The following STPG2 variants were observed in gnomAD, a reference collection of about 807,000 sequenced individuals.
STPG2 encodes sperm-tail PG-rich repeat-containing protein 2.
STPG2 carries 56 observed loss-of-function variants against 54.2 expected under a neutral mutation model. That is an observed-to-expected ratio of 1.03 (90% CI 0.83 to 1.29). The LOEUF is 1.29. STPG2 is among the 50% of genes most tolerant of loss of function. The pLI is 0.00. For missense variants in STPG2, 596 were observed against 544.9 expected (o/e 1.09, Z -0.93); for synonymous variants, 200 against 181.8 (o/e 1.10, Z -0.81).
chr4:97,955,213 ATT>A (rs140086064), intron 7 of STPG2, among the ~76,000 whole-genome samples: 1,548 of 137,338 alleles, frequency 0.011, 6 homozygotes, highest in South Asian at 0.025. Context: ...ATACAGAAGA[ATT>A]TTTTTTTTTT....
intron 8 of STPG2, among the ~76,000 whole-genome samples, chr4:97,907,784 A>C (rs1247540468): frequency 6.6e-6 from 1 of 152,228 alleles, no homozygotes; most frequent in African/African-American, 2.4e-5. Flanking sequence ...TCCCTATTTA[A>C]TAAATAGTGG....
chr4:97,534,154 T>C (rs1265666633), intron 4 of STPG2, among the ~76,000 whole-genome samples: 1 of 152,156 alleles, frequency 6.6e-6, no homozygotes, highest in Non-Finnish European at 1.5e-5. Context: ...GTTTCTGCAA[T>C]TAAATATATT....
intron 5 of STPG2, among the ~76,000 whole-genome samples, chr4:98,066,247 T>C: frequency 6.6e-6 from 1 of 152,174 alleles, no homozygotes; most frequent in East Asian, 1.9e-4. Context: ...ATAGTATGTA[T>C]TAATGCATAA....
rs116701421 is a variant in STPG2 at position 97,496,525 on chromosome 4, C to T, written c.462+216174G>A. ...ATGAAAAGCTTTAACCTGAGAATTA[C>T]TGCACTGCCATGGTTACCCAGCAAA... is the stretch of plus-strand genomic sequence containing the variant. On this transcript the variant is annotated intron_variant, in intron 4 of 4. Coordinates refer to the STPG2 transcript ENST00000522676. Among the ~76,000 whole-genome samples, 716 of 151,878 alleles carry T rather than the reference C, an allele frequency of 4.7e-3. 8 individuals carry two copies. The highest frequency in any genetic ancestry group is 0.016 in the African/African-American group (669 of 41,506).
intron 10 of STPG2, among the ~76,000 whole-genome samples, chr4:97,566,749 G>A (rs1732459235): frequency 6.6e-6 from 1 of 151,722 alleles, no homozygotes; most frequent in South Asian, 2.1e-4. Context: ...GGATGAAATT[G>A]GAAATCATCA....
rs191488172 is a variant in STPG2 at position 97,941,240 on chromosome 4, G to A, written c.1044+2657C>T. On this transcript the variant is annotated intron_variant, in intron 8 of 10. Transcript: ENST00000295268. ...GACTTTACTCTGTGGAAGCTTCAAG[G>A]ATATTTGCTTTAGTTAGGATCTTCT... is the stretch of plus-strand genomic sequence containing the variant. 2.3e-3 allele frequency among the ~76,000 whole-genome samples: 344 copies of A among 151,914 alleles called. 1 individual carries two copies. Among genetic ancestry groups the A allele is most frequent in the Non-Finnish European group, 3.4e-3 (228 of 67,912 alleles).
At chr4:97,936,618 A>C (rs1348003477) in intron 8 of STPG2, among the ~76,000 whole-genome samples, 1 of 152,028 alleles carries the variant, frequency 6.6e-6, no homozygotes, top group African/African-American at 2.4e-5. Flanking sequence ...AAATGATTTT[A>C]TTTCTCCTTC....
chr4:97,552,833 T>C (rs1731995169), intron 4 of STPG2, among the ~76,000 whole-genome samples: 1 of 152,150 alleles, frequency 6.6e-6, no homozygotes, highest in Admixed American at 6.5e-5. Flanking sequence ...TCCGAGCAGT[T>C]ATTTTCCACG....
At chr4:97,759,509 T>A (rs1240433402) in intron 9 of STPG2, among the ~76,000 whole-genome samples, 1 of 151,974 alleles carries the variant, frequency 6.6e-6, no homozygotes, top group Non-Finnish European at 1.5e-5. Flanking sequence ...AAGAGGAAAT[T>A]AAAACAAGAG....
At chr4:97,523,202 A>G (rs949096702) in intron 4 of STPG2, among the ~76,000 whole-genome samples, 2 of 151,918 alleles carry the variant, frequency 1.3e-5, no homozygotes, top group African/African-American at 2.4e-5. Flanking sequence ...GCACTACACT[A>G]TAAGAGTGGA....
intron 5 of STPG2, among the ~76,000 whole-genome samples, chr4:98,028,171 T>C (rs1736486283): frequency 6.6e-6 from 1 of 152,172 alleles, no homozygotes; most frequent in Admixed American, 6.6e-5. Flanking sequence ...CAACCTCAGT[T>C]TTCTCCCCAG....
chr4:97,947,137 C>A (rs1733259707), intron 7 of STPG2, among the ~76,000 whole-genome samples: 2 of 151,808 alleles, frequency 1.3e-5, no homozygotes, highest in Admixed American at 6.6e-5. Context: ...GATATTTTAT[C>A]TTTTTTGCAG....
chr4:97,474,169 T>C (rs1333633304), intron 4 of STPG2, among the ~76,000 whole-genome samples: 2 of 152,070 alleles, frequency 1.3e-5, no homozygotes, highest in East Asian at 3.9e-4. Flanking sequence ...TGAAGGGTTG[T>C]CTGTTTGTGG....
chr4:97,590,392 C>T (rs1312583776), intron 10 of STPG2, among the ~76,000 whole-genome samples: 2 of 151,760 alleles, frequency 1.3e-5, no homozygotes, highest in Non-Finnish European at 2.9e-5. Flanking sequence ...TTCCTTGGAT[C>T]CAGGGCTTAT....
chr4:97,484,549 G>A (rs1730306867), intron 4 of STPG2, among the ~76,000 whole-genome samples: 1 of 151,630 alleles, frequency 6.6e-6, no homozygotes, highest in Non-Finnish European at 1.5e-5. Context: ...ATAACAAGCA[G>A]TGGCATTGAA....
At chr4:97,897,134 C>T (rs1730986199) in intron 8 of STPG2, among the ~76,000 whole-genome samples, 1 of 152,042 alleles carries the variant, frequency 6.6e-6, no homozygotes, top group African/African-American at 2.4e-5. Context: ...ATTTAGCTCC[C>T]ACTTACGAGT....
chr4:98,071,327 C>G (rs535802142), intron 5 of STPG2, among the ~76,000 whole-genome samples: 1 of 152,226 alleles, frequency 6.6e-6, no homozygotes, highest in East Asian at 1.9e-4. Context: ...AAATGATTCC[C>G]TATTTAATAA....
intron 9 of STPG2, among the ~76,000 whole-genome samples, chr4:97,738,704 T>C (rs973749115): frequency 1.3e-5 from 2 of 152,076 alleles, no homozygotes; most frequent in African/African-American, 4.8e-5. Flanking sequence ...GCACCCAGAT[T>C]CATAAAGCAA....
At chr4:98,043,176 A>G (rs961365007) in intron 5 of STPG2, among the ~76,000 whole-genome samples, 1 of 152,002 alleles carries the variant, frequency 6.6e-6, no homozygotes, top group African/African-American at 2.4e-5. Context: ...TACAATTTGC[A>G]TGGAATATCC....
Sources: gnomAD v4.1 joint callset for allele counts (sites outside exome capture counted in the v4.1 genomes callset) on GRCh38, gnomAD v4.1.1 for gene constraint, MANE v1.5 for transcripts, NCBI Gene and HGNC (gene_info 2026-07-23, HGNC 2026-07-21) for gene names.